NICOL1: variants seen among roughly 807,000 people sequenced by gnomAD.
The protein encoded by NICOL1 is NELL2 interacting cell ontogeny regulator 1, also known as NELL2-interacting cell ontogeny regulator 1.
the NICOL1 span, chr4:2,042,759 G>A: frequency 1.3e-6 from 2 of 1,517,466 alleles, no homozygotes; most frequent in Admixed American, 2.0e-5. Context: ...GGACTGCCAC[G>A]CCTTCGAGTT....
the NICOL1 span, among the ~76,000 whole-genome samples, chr4:2,043,587 G>C: frequency 6.6e-6 from 1 of 152,218 alleles, no homozygotes; most frequent in Non-Finnish European, 1.5e-5. Flanking sequence ...GTGGGGGACA[G>C]TGGACCCCTG....
chr4:2,041,489 C>T, the NICOL1 span, among the ~76,000 whole-genome samples: 15 of 152,118 alleles, frequency 9.9e-5, no homozygotes, highest in Non-Finnish European at 2.2e-4. Context: ...CCGGGAGGGA[C>T]CGAGCAGGCT....
At chr4:2,043,930 C>G in the NICOL1 span, 1 of 1,543,792 alleles carries the variant, frequency 6.5e-7, no homozygotes, top group South Asian at 1.2e-5. Flanking sequence ...GCACTGAGGA[C>G]CACGCTGCTC....
the NICOL1 span, chr4:2,042,629 G>C: frequency 1.7e-6 from 1 of 597,236 alleles, no homozygotes; most frequent in Non-Finnish European, 2.7e-6. Context: ...GGCTTGGGGA[G>C]TGGGGACGTG....
the NICOL1 span, chr4:2,042,425 T>C: frequency 4.3e-6 from 2 of 465,596 alleles, no homozygotes; most frequent in Non-Finnish European, 7.4e-6. Context: ...CTGCTGAGTC[T>C]GGCGCTGCTG....
the NICOL1 span, chr4:2,043,785 C>G: frequency 1.5e-6 from 2 of 1,295,298 alleles, no homozygotes; most frequent in Non-Finnish European, 2.2e-6. Flanking sequence ...GATAGGGCTG[C>G]CTTGGGTGGG....
At chr4:2,038,615 C>T in the NICOL1 span, among the ~76,000 whole-genome samples, 1 of 152,070 alleles carries the variant, frequency 6.6e-6, no homozygotes. Context: ...TATACTTAAA[C>T]AGAATGTATT....
At chr4:2,043,518 G>T in the NICOL1 span, among the ~76,000 whole-genome samples, 1 of 152,214 alleles carries the variant, frequency 6.6e-6, no homozygotes, top group Non-Finnish European at 1.5e-5. Context: ...ACAGAGCCTG[G>T]AACTGAGCTC....
the NICOL1 span, among the ~76,000 whole-genome samples, chr4:2,038,237 G>GTGTATATATATATATATATA: frequency 1.1e-5 from 1 of 91,454 alleles, no homozygotes; most frequent in Admixed American, 1.3e-4. Context: ...TGATCAGTGT[G>GTGTATATATATATATATATA]TATATATATA....
chr4:2,041,973 G>C, the NICOL1 span: 8 of 1,452,356 alleles, frequency 5.5e-6, no homozygotes, highest in African/African-American at 6.0e-5. Context: ...TGGGGAACCC[G>C]GGCGGGGTCG....
the NICOL1 span, among the ~76,000 whole-genome samples, chr4:2,038,553 A>G: frequency 6.6e-6 from 1 of 151,992 alleles, no homozygotes; most frequent in Non-Finnish European, 1.5e-5. Context: ...CGTCTCTTAT[A>G]AGCACAAGCC....
chr4:2,042,199 G>A, the NICOL1 span: 2 of 1,425,020 alleles, frequency 1.4e-6, no homozygotes, highest in East Asian at 3.0e-5. Context: ...TCCCGGGCCC[G>A]GGGTGGGTGG....
At chr4:2,043,046 T>C in the NICOL1 span, among the ~76,000 whole-genome samples, 2 of 152,156 alleles carry the variant, frequency 1.3e-5, no homozygotes, top group Non-Finnish European at 1.5e-5. Flanking sequence ...ACTCTATTTC[T>C]AGCCCCTCCC....
the NICOL1 span, among the ~76,000 whole-genome samples, chr4:2,038,712 G>A: frequency 6.6e-6 from 1 of 152,130 alleles, no homozygotes; most frequent in Non-Finnish European, 1.5e-5. Context: ...CTCATTTCCT[G>A]TTTGAATAAT....
the NICOL1 span, among the ~76,000 whole-genome samples, chr4:2,038,797 C>T: frequency 6.6e-5 from 10 of 152,130 alleles, no homozygotes; most frequent in South Asian, 2.1e-4. Context: ...CTGTCAATGC[C>T]GCTTTCAATA....
the NICOL1 span, chr4:2,043,824 G>C: frequency 2.6e-6 from 4 of 1,532,460 alleles, no homozygotes; most frequent in Middle Eastern, 5.1e-4. Flanking sequence ...CCAGTGGGCA[G>C]CTGGGCTGCA....
chr4:2,040,204 T>C, the NICOL1 span, among the ~76,000 whole-genome samples: 1 of 152,150 alleles, frequency 6.6e-6, no homozygotes, highest in Non-Finnish European at 1.5e-5. Context: ...CCTCCTGGGT[T>C]CAAATGATTC....
the NICOL1 span, chr4:2,042,015 G>T: frequency 3.4e-6 from 5 of 1,471,408 alleles, no homozygotes; most frequent in Non-Finnish European, 4.5e-6. Context: ...CGCGCCGGAC[G>T]CGGAACGTCT....
At chr4:2,040,464 G>A in the NICOL1 span, among the ~76,000 whole-genome samples, 4 of 152,156 alleles carry the variant, frequency 2.6e-5, no homozygotes, top group African/African-American at 4.8e-5. Flanking sequence ...GCGTGGGACC[G>A]AAGGGGAGAA....
Sources: gnomAD v4.1 joint callset for allele counts (sites outside exome capture counted in the v4.1 genomes callset) on GRCh38, gnomAD v4.1.1 for gene constraint, MANE v1.5 for transcripts, NCBI Gene and HGNC (gene_info 2026-07-23, HGNC 2026-07-21) for gene names.